ANKRD36: variants seen among roughly 807,000 people sequenced by gnomAD.
ANKRD36 encodes the protein ankyrin repeat domain-containing protein 36A.
Under a neutral mutation model 278.1 loss-of-function variants are expected in ANKRD36, and 179 were observed. The ratio of observed to expected loss-of-function variants is 0.64; its 90% CI spans 0.57 to 0.73. The LOEUF is 0.73. Among genes scored for constraint, ANKRD36 ranks in the 30% least tolerant of loss-of-function variants. The pLI is 0.00. For synonymous variants in ANKRD36, 320 were observed against 641.1 expected (o/e 0.50, Z 7.57); for missense variants, 1,159 against 1,956.7 (o/e 0.59, Z 7.69).
chr2:97,225,191 A>G (rs1384735414), intron 67 of ANKRD36, among the ~76,000 whole-genome samples: 6 of 151,220 alleles, frequency 4.0e-5, no homozygotes, highest in Non-Finnish European at 7.4e-5. Flanking sequence ...AATTTTAAGC[A>G]ATAGAAATTA....
chr2:97,195,963 G>C (rs1283917694), intron 40 of ANKRD36, among the ~76,000 whole-genome samples: 1 of 151,952 alleles, frequency 6.6e-6, no homozygotes, highest in African/African-American at 2.4e-5. Flanking sequence ...CATTTGGAAG[G>C]CTAAACTAGT....
chr2:97,229,085 G>C (rs1330197510), intron 67 of ANKRD36, among the ~76,000 whole-genome samples: 3 of 151,334 alleles, frequency 2.0e-5, no homozygotes, highest in African/African-American at 7.3e-5. Flanking sequence ...AATAGGTGTG[G>C]TGTGGTGCTG....
chr2:97,209,287 A>AT (rs2063712040), intron 54 of ANKRD36, among the ~76,000 whole-genome samples: 2 of 146,392 alleles, frequency 1.4e-5, no homozygotes, highest in Admixed American at 1.3e-4. Context: ...AATGGTGTAA[A>AT]TCCTTTTGAT....
At position 97,185,274 on chromosome 2, in the gene ANKRD36, A is replaced by G. The variant is rs745766946; in HGVS notation, c.1940-42A>G. On this transcript the variant is annotated intron_variant, in intron 28 of 75. Transcript: ENST00000420699. ...TCATGAATGTATAGATAACTTTATC[A>G]TATTTACATATGAGTGATTATGTAT... 1.3e-5 allele frequency: 20 copies of G among 1,577,270 alleles called. 1 individual carries two copies. Among genetic ancestry groups the G allele is most frequent in the Non-Finnish European group, 1.7e-5 (20 of 1,147,454 alleles).
At chr2:97,199,494 CAAG>C (rs1440360309) in intron 44 of ANKRD36, among the ~76,000 whole-genome samples, 2 of 151,914 alleles carry the variant, frequency 1.3e-5, no homozygotes, top group Non-Finnish European at 2.9e-5. Flanking sequence ...ATTTTAGACA[CAAG>C]AATGATGTTG....
At chr2:97,203,455 C>G (rs1435640896) in intron 48 of ANKRD36, among the ~76,000 whole-genome samples, 3 of 151,804 alleles carry the variant, frequency 2.0e-5, no homozygotes, top group Non-Finnish European at 4.4e-5. Flanking sequence ...CTAGTGGATA[C>G]AAGAAACTTA....
rs544405338 is a variant in ANKRD36, at chr2:97,205,776, A to G, written c.3062-164A>G. Among the ~76,000 whole-genome samples, 13 of 151,584 alleles carry G rather than the reference A, an allele frequency of 8.6e-5. No individual in the cohort carries two copies. The South Asian group carries it at 2.7e-3, about 32-fold the overall frequency. On this transcript the variant is annotated intron_variant, in intron 50 of 75. Transcript: ENST00000420699. Reference sequence around the variant, plus strand: ...CATGGAGCCTGTATTCCCTTTTCTCAGTGTATTTGTGTCATTTTCTAGTCC... The same window carrying G: ...CATGGAGCCTGTATTCCCTTTTCTCGGTGTATTTGTGTCATTTTCTAGTCC...
At chr2:97,167,062 A>T (rs2050940372) in intron 20 of ANKRD36, among the ~76,000 whole-genome samples, 1 of 151,992 alleles carries the variant, frequency 6.6e-6, no homozygotes, top group African/African-American at 2.4e-5. Flanking sequence ...TTTGGAGTGT[A>T]ATGTATACTT....
chr2:97,202,703 G>A (rs1405657963), intron 48 of ANKRD36, among the ~76,000 whole-genome samples: 12 of 151,796 alleles, frequency 7.9e-5, no homozygotes, highest in Non-Finnish European at 1.5e-4. Flanking sequence ...CAGTAAGGGT[G>A]GAAGGAGAAA....
At chr2:97,196,842 C>T in intron 42 of ANKRD36, 54 bp downstream of exon 42, 1 of 1,540,508 alleles carries the variant, frequency 6.5e-7, no homozygotes, top group Non-Finnish European at 8.7e-7. Context: ...ATAAGAAGTT[C>T]TCTTCCCCAA....
Position 97,219,096 on chromosome 2 carries a change from T to C in ANKRD36, c.3804+18T>C. On this transcript the variant is annotated intron_variant, in intron 65 of 75. Transcript: ENST00000420699. Reference sequence around the variant, plus strand: ...CCTTGAAGGTAATTACTCTTACATTTATATTTTTAATTATTAACTGCATAA... The same window carrying C: ...CCTTGAAGGTAATTACTCTTACATTCATATTTTTAATTATTAACTGCATAA... 6.5e-7 allele frequency: 1 copy of C among 1,545,310 alleles called. No homozygotes were observed. Among genetic ancestry groups the C allele is most frequent in the Non-Finnish European group, 8.7e-7 (1 of 1,143,604 alleles).
intron 48 of ANKRD36, among the ~76,000 whole-genome samples, chr2:97,203,057 C>A (rs2061835897): frequency 6.6e-6 from 1 of 151,812 alleles, no homozygotes. Flanking sequence ...CCCTTTGTAA[C>A]TATTAGGCAT....
chr2:97,160,501 T>C (rs556954930), intron 17 of ANKRD36, among the ~76,000 whole-genome samples: 26 of 152,268 alleles, frequency 1.7e-4, no homozygotes, highest in African/African-American at 5.8e-4. Flanking sequence ...TTTGACTTGA[T>C]GTTTCAAATA....
chr2:97,172,179 G>A (rs1208203382), intron 22 of ANKRD36, among the ~76,000 whole-genome samples: 1 of 151,722 alleles, frequency 6.6e-6, no homozygotes, highest in Non-Finnish European at 1.5e-5. Context: ...CAACACATGT[G>A]CACATTCATA....
chr2:97,222,712 T>G (rs1330849404), intron 66 of ANKRD36, among the ~76,000 whole-genome samples: 3 of 152,102 alleles, frequency 2.0e-5, no homozygotes, highest in Admixed American at 2.0e-4. Context: ...AAATAGAAAT[T>G]ATACATGTAA....
chr2:97,183,547 T>A (rs2056747110), intron 27 of ANKRD36, 35 bp from the exon 28 acceptor site: 10 of 1,552,562 alleles, frequency 6.4e-6, no homozygotes, highest in Non-Finnish European at 8.7e-6. Context: ...AAATATGTAT[T>A]ATATATTGAC....
chr2:97,154,969 G>GA (rs953507105), intron 15 of ANKRD36, among the ~76,000 whole-genome samples: 9 of 142,204 alleles, frequency 6.3e-5, no homozygotes, highest in Middle Eastern at 3.4e-3. Flanking sequence ...GGTGTGATCT[G>GA]AAAAAAAAAT....
At position 97,152,797 on chromosome 2, in the gene ANKRD36, T is replaced by C. The variant is rs79068602; in HGVS notation, c.1193+263T>C. Among the ~76,000 whole-genome samples, 10 of 147,754 alleles carry C rather than the reference T, an allele frequency of 6.8e-5. No individual in the cohort carries two copies. In the East Asian group the frequency reaches 1.8e-3, roughly 26 times the overall value. ...CCCAACATTAGACCATCATGCTGCC[T>C]GGCTCTCAAATCACTTCATTTGCCC... On this transcript the variant is annotated intron_variant, in intron 14 of 75. Transcript: ENST00000420699.
Position 97,207,889 on chromosome 2 carries a change from A to C in ANKRD36, c.3193-45A>C, listed in dbSNP as rs1375102399. ...TGAACTAGTAAATGTATAGTCTATG[A>C]AACATACTTTATTAATTTATTATTT... On this transcript the variant is annotated intron_variant, in intron 53 of 75. Coordinates refer to ENST00000420699, the MANE Select transcript of ANKRD36 (RefSeq NM_001354587.1). 3 of 1,541,502 alleles carry C rather than the reference A, an allele frequency of 1.9e-6. No individual in the cohort carries two copies. The South Asian group carries it at 3.6e-5, about 19-fold the overall frequency.
Sources: gnomAD v4.1 joint callset for allele counts (sites outside exome capture counted in the v4.1 genomes callset) on GRCh38, gnomAD v4.1.1 for gene constraint, MANE v1.5 for transcripts, NCBI Gene and HGNC (gene_info 2026-07-23, HGNC 2026-07-21) for gene names.